KIF3A: variants seen among roughly 807,000 people sequenced by gnomAD.
KIF3A encodes the protein kinesin-like protein KIF3A.
A neutral mutation model predicts 92.6 loss-of-function variants in KIF3A; 27 were observed. The observed-to-expected ratio is 0.29, with a 90% confidence interval of 0.21 to 0.40. KIF3A has a LOEUF of 0.40. Among genes scored for constraint, KIF3A ranks in the 10% least tolerant of loss-of-function variants. KIF3A has a pLI of 1.00. For missense variants in KIF3A, 581 were observed against 872.6 expected (o/e 0.67, Z 4.21); for synonymous variants, 250 against 275.4 (o/e 0.91, Z 0.92).
chr5:132,720,475 A>G (rs1456434556), intron 5 of KIF3A, 134 bp downstream of exon 5: 10 of 579,278 alleles, frequency 1.7e-5, no homozygotes. Context: ...TACATGGTAA[A>G]TAATCAAAGT....
rs924159127 is a variant in KIF3A, at chr5:132,701,240, G to T, written c.1885-540C>A. ...TGGCCAGGCATGGTGGTTAACACCT[G>T]TAATCCCATCATTTTGGGAGGCCAA... On this transcript the variant is annotated intron_variant, in intron 15 of 18. Transcript: ENST00000403231. Among the ~76,000 whole-genome samples, 9 of 152,058 alleles carry T rather than the reference G, an allele frequency of 5.9e-5. No individual in the cohort carries two copies. The South Asian group carries it at 8.3e-4, about 14-fold the overall frequency.
rs745596268 is a variant in KIF3A at position 132,699,201 on chromosome 5, T to C, written c.2102A>G (p.Lys701Arg). 2 of 1,614,106 alleles carry C rather than the reference T, an allele frequency of 1.2e-6. No individual in the cohort carries two copies. The highest frequency in any genetic ancestry group is 1.7e-5 in the Admixed American group (1 of 60,030). ...CCCTGTCTTTGGCCTTGCTTTCCCC[T>C]TTGAAGTTCGTGGTCTTTCTAGTTT... ...LMKLERPRTSKGKARPKTGRR... is the reference protein window; with the variant it reads ...LMKLERPRTSRGKARPKTGRR... Residue 701 changes from lysine (K) to arginine (R), a missense_variant, in exon 18 of 19, where the codon AAG (lysine) becomes AGG (arginine). Transcript: ENST00000403231.
At chr5:132,710,151 G>A (rs1030538719) in intron 9 of KIF3A, among the ~76,000 whole-genome samples, 2 of 151,958 alleles carry the variant, frequency 1.3e-5, no homozygotes, top group Admixed American at 6.5e-5. Context: ...TAATTCACAC[G>A]TGGCAACAAA....
In KIF3A at chr5:132,695,972, T is replaced by C. The variant is rs986595365; in HGVS notation, c.*662A>G. ...AACTTAAGGTGTATTTGATTTGAAC[T>C]CAAACTGGCAAAAAAAAGTTAGGAA... On this transcript the variant is annotated 3_prime_UTR_variant, in exon 19 of 19. Coordinates refer to ENST00000403231, the MANE Select transcript of KIF3A (RefSeq NM_001300791.2). 9.8e-5 allele frequency: 15 copies of C among 152,354 alleles called. No homozygotes were observed. Among genetic ancestry groups the C allele is most frequent in the Admixed American group, 2.6e-4 (4 of 15,280 alleles). 9.4% of individuals were successfully genotyped at this position (152,354 alleles called of 1,614,324 possible). A position where few individuals can be genotyped will look rare whatever the true frequency, so the allele number is the denominator to read the frequency against.
At chr5:132,697,565 TA>T (rs1194247854) in intron 18 of KIF3A, 1 of 151,942 alleles carries the variant, frequency 6.6e-6, no homozygotes, top group Non-Finnish European at 1.5e-5. Context: ...CCTGTAATCA[TA>T]ACACTCTGGG....
chr5:132,725,688 A>G (rs1754011325), intron 4 of KIF3A, among the ~76,000 whole-genome samples: 2 of 152,160 alleles, frequency 1.3e-5, no homozygotes, highest in Admixed American at 1.3e-4. Flanking sequence ...AACAACCATC[A>G]ATTACTGCAC....
At chr5:132,731,738 T>C (rs1754237980) in intron 2 of KIF3A, among the ~76,000 whole-genome samples, 1 of 150,048 alleles carries the variant, frequency 6.7e-6, no homozygotes, top group Non-Finnish European at 1.5e-5. Flanking sequence ...TGAGACAGAG[T>C]CTTGCCCTGT....
At chr5:132,701,172 T>G (rs1313051016) in intron 15 of KIF3A, among the ~76,000 whole-genome samples, 2 of 151,952 alleles carry the variant, frequency 1.3e-5, no homozygotes, top group African/African-American at 2.4e-5. Context: ...TCAGACAAAT[T>G]TCTTAAAACT....
intron 11 of KIF3A, among the ~76,000 whole-genome samples, chr5:132,705,284 T>C (rs1753170974): frequency 6.6e-6 from 1 of 151,970 alleles, no homozygotes; most frequent in Non-Finnish European, 1.5e-5. Flanking sequence ...TTTAAAAAAG[T>C]GTAACTTCCT....
At chr5:132,711,369 A>T (rs1561698332) in intron 8 of KIF3A, among the ~76,000 whole-genome samples, 1 of 152,184 alleles carries the variant, frequency 6.6e-6, no homozygotes, top group Non-Finnish European at 1.5e-5. Context: ...AGGCAGGCAG[A>T]TCACTTGAGG....
chr5:132,700,387 A>G (rs1437940377), intron 16 of KIF3A, 103 bp from the exon 17 acceptor site: 4 of 759,070 alleles, frequency 5.3e-6, no homozygotes, highest in Non-Finnish European at 8.8e-6. Context: ...CTAGTAAAAC[A>G]TGATTTGAAT....
chr5:132,732,698 A>G (rs1754272509), intron 2 of KIF3A, among the ~76,000 whole-genome samples: 1 of 152,186 alleles, frequency 6.6e-6, no homozygotes, highest in Non-Finnish European at 1.5e-5. Flanking sequence ...TCACAAGGTC[A>G]GGAGATCAAG....
At chr5:132,715,012 T>A (rs1475434326) in intron 8 of KIF3A, among the ~76,000 whole-genome samples, 1 of 152,128 alleles carries the variant, frequency 6.6e-6, no homozygotes, top group East Asian at 1.9e-4. Context: ...CTCTAAACAT[T>A]TGTGATGCTG....
chr5:132,726,816 C>T (rs577312042), intron 2 of KIF3A, among the ~76,000 whole-genome samples: 1 of 152,276 alleles, frequency 6.6e-6, no homozygotes, highest in East Asian at 1.9e-4. Flanking sequence ...TTATTGTGGA[C>T]ATTAAACTGG....
chr5:132,736,503 T>C (rs1423288221), intron 1 of KIF3A, among the ~76,000 whole-genome samples: 1 of 152,226 alleles, frequency 6.6e-6, no homozygotes, highest in Non-Finnish European at 1.5e-5. Flanking sequence ...CCTCTCTCTT[T>C]CCAAGTTCAA....
At chr5:132,719,771 C>A (rs1183418394) in intron 5 of KIF3A, among the ~76,000 whole-genome samples, 11 of 151,876 alleles carry the variant, frequency 7.2e-5, no homozygotes, top group Admixed American at 2.0e-4. Flanking sequence ...TGTGAGCCAC[C>A]GCGACCAGAC....
chr5:132,717,708 C>CA (rs1315781592), intron 5 of KIF3A, among the ~76,000 whole-genome samples: 3 of 150,496 alleles, frequency 2.0e-5, no homozygotes, highest in Non-Finnish European at 3.0e-5. Context: ...ATTGTGTAAA[C>CA]AAAAAACATT....
intron 8 of KIF3A, 51 bp downstream of exon 8, chr5:132,715,706 A>C: frequency 7.1e-6 from 10 of 1,410,078 alleles, no homozygotes; most frequent in Non-Finnish European, 9.8e-6. Context: ...TTAGTGGTTC[A>C]ACAATGTATT....
At chr5:132,706,064 T>C (rs139833793) in intron 11 of KIF3A, among the ~76,000 whole-genome samples, 4 of 152,070 alleles carry the variant, frequency 2.6e-5, no homozygotes, top group South Asian at 2.1e-4. Flanking sequence ...CTAACCAATA[T>C]TGTGAACGTT....
Sources: allele counts gnomAD v4.1 joint callset (sites outside exome capture counted in the v4.1 genomes callset), GRCh38; gene constraint gnomAD v4.1.1; transcripts MANE v1.5; gene names NCBI Gene and HGNC (gene_info 2026-07-23, HGNC 2026-07-21).